NIPBL: variants seen among roughly 807,000 people sequenced by gnomAD.
The protein encoded by NIPBL is NIPBL cohesin loading factor.
In NIPBL, 19 loss-of-function variants were observed where a neutral mutation model predicts 321.8. The ratio of observed to expected loss-of-function variants is 0.06; its 90% CI spans 0.04 to 0.09. NIPBL has a LOEUF of 0.09. Ranked by LOEUF, NIPBL falls within the 10% of genes least tolerant of loss-of-function variation. The pLI is 1.00. For missense variants in NIPBL, 2,210 were observed against 3,327.0 expected (o/e 0.66, Z 8.26); for synonymous variants, 1,106 against 1,114.1 (o/e 0.99, Z 0.14).
chr5:37,014,620 A>G (rs1408372456), intron 21 of NIPBL, 63 bp from the exon 22 acceptor site: 5 of 962,762 alleles, frequency 5.2e-6, no homozygotes, highest in Non-Finnish European at 8.4e-6. Flanking sequence ...ATAACATGAC[A>G]ATAGCAACAG....
intron 45 of NIPBL, among the ~76,000 whole-genome samples, 161 bp downstream of exon 45, chr5:37,061,179 G>T (rs1754626766): frequency 6.6e-6 from 1 of 152,128 alleles, no homozygotes; most frequent in Non-Finnish European, 1.5e-5. Context: ...GTTACTTTAA[G>T]CTTGTCTTTC....
intron 1 of NIPBL, among the ~76,000 whole-genome samples, chr5:36,892,723 G>A (rs1172844594): frequency 1.3e-5 from 2 of 152,060 alleles, no homozygotes; most frequent in Middle Eastern, 3.4e-3. Context: ...TCACTCATAG[G>A]TGGGAATTGA....
intron 45 of NIPBL, among the ~76,000 whole-genome samples, chr5:37,061,258 G>T (rs911322774): frequency 3.3e-5 from 5 of 152,032 alleles, no homozygotes; most frequent in Admixed American, 6.6e-5. Context: ...TTTTATTTTA[G>T]CAAAAATGAA....
chr5:36,925,272 C>CT (rs11386035), intron 1 of NIPBL, among the ~76,000 whole-genome samples: 78,819 of 145,518 alleles, frequency 0.54, 22,609 homozygotes, highest in African/African-American at 0.76. Context: ...TAATTCATTA[C>CT]TTTTTTTTTT....
In NIPBL at chr5:36,998,835, G is replaced by A. The variant is rs757358463; in HGVS notation, c.3305-1538G>A. On this transcript the variant is annotated intron_variant, in intron 11 of 46. Coordinates refer to ENST00000282516, the MANE Select transcript of NIPBL (RefSeq NM_133433.4). ...TGAAACAAGTTGTCACTAAAGGAATGTACTAGAGCATACTGTAATCATAAA... is the reference window on the plus strand; with the variant it reads ...TGAAACAAGTTGTCACTAAAGGAATATACTAGAGCATACTGTAATCATAAA... Among the ~76,000 whole-genome samples, 49 of 152,194 alleles carry A rather than the reference G, an allele frequency of 3.2e-4. No individual in the cohort carries two copies. The Middle Eastern group carries it at 0.027, about 85-fold the overall frequency.
chr5:36,914,332 T>C (rs893466662), intron 1 of NIPBL, among the ~76,000 whole-genome samples: 4 of 152,188 alleles, frequency 2.6e-5, no homozygotes, highest in Non-Finnish European at 5.9e-5. Flanking sequence ...ATAATGGCCA[T>C]TGTTGCCATA....
At chr5:36,954,410 C>T (rs529714303) in intron 2 of NIPBL, among the ~76,000 whole-genome samples, 1 of 152,096 alleles carries the variant, frequency 6.6e-6, no homozygotes, top group African/African-American at 2.4e-5. Flanking sequence ...TAGATAACAG[C>T]CTGTTAGCTT....
Position 36,985,750 on chromosome 5 carries a change from A to G in NIPBL, c.2570A>G (p.Lys857Arg). 6.2e-7 allele frequency: 1 copy of G among 1,613,904 alleles called. No individual in the cohort carries two copies. The highest frequency in any genetic ancestry group is 8.5e-7 in the Non-Finnish European group (1 of 1,179,954). ...TCTAGTAGAAATGAACATGGCATTAAATCTGATAGTTCAAAAACTGATAAA... is the reference window on the plus strand; with the variant it reads ...TCTAGTAGAAATGAACATGGCATTAGATCTGATAGTTCAAAAACTGATAAA... ...RSSSRNEHGI[K>R]SDSSKTDKLE... Residue 857 changes from lysine (K) to arginine (R), a missense_variant, in exon 10 of 47, where the codon AAA becomes AGA. Physicochemically the swap from Lys to Arg is conservative, Grantham distance 26. This residue lies in a region of NIPBL where 588 missense variants were observed against 564.1 expected (regional missense o/e 1.04). Coordinates refer to ENST00000282516, the MANE Select transcript of NIPBL (RefSeq NM_133433.4).
chr5:36,882,331 T>C (rs529488672), intron 1 of NIPBL, among the ~76,000 whole-genome samples: 2 of 152,088 alleles, frequency 1.3e-5, no homozygotes, highest in East Asian at 3.9e-4. Context: ...ATTGAATGTT[T>C]CCATGTGACA....
chr5:36,975,066 T>C (rs531715926), intron 8 of NIPBL, among the ~76,000 whole-genome samples: 2 of 152,116 alleles, frequency 1.3e-5, no homozygotes, highest in Non-Finnish European at 2.9e-5. Flanking sequence ...GTTGATTTAA[T>C]GGACTCTGGG....
chr5:37,040,355 A>G (rs937628904), intron 34 of NIPBL, among the ~76,000 whole-genome samples: 3 of 152,110 alleles, frequency 2.0e-5, no homozygotes, highest in Non-Finnish European at 2.9e-5. Context: ...TCCTATCTCC[A>G]TCTTTATTCA....
chr5:37,064,992 G>GT lies in NIPBL; in HGVS notation c.*101dup. The GT allele has an allele frequency of 2.8e-6, 4 of 1,434,224 alleles. No homozygotes were observed. Among genetic ancestry groups the GT allele is most frequent in the African/African-American group, 1.4e-5 (1 of 71,194 alleles). The allele number at this position is 1,434,224 out of a possible 1,614,324, so 88.8% of individuals were successfully genotyped here. ...CAAAAAAAAATCAGTTTTATGAAGA[G>GT]TAAGTGGAACCTGGGATGCAGGAAC... On this transcript the variant is annotated 3_prime_UTR_variant, in exon 47 of 47. Transcript: ENST00000282516.
rs965476191 is a variant in NIPBL, at chr5:37,065,615, A to C, written c.*723A>C. 5 of 152,654 alleles carry C rather than the reference A, an allele frequency of 3.3e-5. No homozygotes were observed. Among genetic ancestry groups the C allele is most frequent in the African/African-American group, 1.2e-4 (5 of 41,456 alleles). The allele number at this position is 152,654 out of a possible 1,614,324, so 9.5% of individuals were successfully genotyped here. On this transcript the variant is annotated 3_prime_UTR_variant, in exon 47 of 47. Coordinates refer to ENST00000282516, the MANE Select transcript of NIPBL (RefSeq NM_133433.4). ...TTATATCACTGGTTTTCAAAGCAAA[A>C]CATAAAATATTGTTTATACAGTTTG... is the stretch of plus-strand genomic sequence containing the variant.
chr5:36,964,920 CA>C (rs1561086847), intron 6 of NIPBL, among the ~76,000 whole-genome samples: 1 of 152,038 alleles, frequency 6.6e-6, no homozygotes, highest in Non-Finnish European at 1.5e-5. Flanking sequence ...GCAGATACAG[CA>C]AAAAATGCCG....
intron 21 of NIPBL, among the ~76,000 whole-genome samples, chr5:37,013,030 C>T (rs1748363218): frequency 1.3e-5 from 2 of 150,210 alleles, no homozygotes; most frequent in African/African-American, 5.0e-5. Flanking sequence ...CCTCACCTCC[C>T]GGACGGGGGG....
chr5:37,008,927 A>AG lies in NIPBL; in HGVS notation c.4421+205dup, dbSNP rs145915364. ...AAACTTCACTGATTCTCAAGGGTAAAGATCTGTGGCAGGGTTTTTCAGTGT... is the reference window on the plus strand; with the variant it reads ...AAACTTCACTGATTCTCAAGGGTAAAGGATCTGTGGCAGGGTTTTTCAGTGT... On this transcript the variant is annotated intron_variant, in intron 20 of 46. Transcript: ENST00000282516. Among the ~76,000 whole-genome samples, 888 of 152,306 alleles carry AG rather than the reference A, an allele frequency of 5.8e-3. 4 individuals are homozygous for AG. Among genetic ancestry groups the AG allele is most frequent in the Non-Finnish European group, 9.3e-3 (632 of 68,022 alleles).
intron 7 of NIPBL, 34 bp from the exon 8 acceptor site, chr5:36,971,911 C>T: frequency 1.3e-6 from 2 of 1,579,926 alleles, no homozygotes; most frequent in South Asian, 2.2e-5. Flanking sequence ...CCTCTCCTGT[C>T]ATTCAAAAGA....
At chr5:36,915,851 A>T (rs1442814206) in intron 1 of NIPBL, among the ~76,000 whole-genome samples, 1 of 152,188 alleles carries the variant, frequency 6.6e-6, no homozygotes. Flanking sequence ...TGAACATACC[A>T]GGAAGTCTTA....
intron 32 of NIPBL, among the ~76,000 whole-genome samples, chr5:37,031,008 A>G (rs1750950035): frequency 7.4e-6 from 1 of 134,258 alleles, no homozygotes; most frequent in East Asian, 2.2e-4. Flanking sequence ...TTTGAGGCGG[A>G]GTTTCACTCT....
Sources: gnomAD v4.1 joint callset for allele counts (sites outside exome capture counted in the v4.1 genomes callset) on GRCh38, gnomAD v4.1.1 for gene constraint, gnomAD v4.1.1 regional missense constraint, MANE v1.5 for transcripts, NCBI Gene and HGNC (gene_info 2026-07-23, HGNC 2026-07-21) for gene names.